ABHD13: variants seen among roughly 807,000 people sequenced by gnomAD.
The protein encoded by ABHD13 is abhydrolase domain containing 13, also known as protein ABHD13.
Under a neutral mutation model 25.2 loss-of-function variants are expected in ABHD13, and 7 were observed. That is an observed-to-expected ratio of 0.28 (90% CI 0.16 to 0.52). ABHD13 has a LOEUF of 0.52. Ranked by LOEUF, ABHD13 falls within the 20% of genes least tolerant of loss-of-function variation. ABHD13 has a pLI of 0.96. For synonymous variants in ABHD13, 133 were observed against 136.1 expected, an observed-to-expected ratio of 0.98 and a Z score of 0.16; for missense variants, 302 against 402.7, an observed-to-expected ratio of 0.75 and a Z score of 2.14.
In ABHD13 at chr13:108,233,619, A is replaced by G. The variant is rs995592219; in HGVS notation, c.*3387A>G. On this transcript the variant is annotated 3_prime_UTR_variant, in exon 2 of 2. Transcript: ENST00000375898. ...AGGTATTTTCATATTACTCAGGTAA[A>G]GATGGAAATGACAGAGCACAGACAT... 6.0e-6 allele frequency: 1 copy of G among 166,918 alleles called. No individual in the cohort carries two copies. Among genetic ancestry groups the G allele is most frequent in the Admixed American group, 6.6e-5 (1 of 15,264 alleles). 10.3% of individuals were successfully genotyped at this position (166,918 alleles called of 1,614,324 possible). A position where few individuals can be genotyped will look rare whatever the true frequency, so the allele number is the denominator to read the frequency against.
In ABHD13 at chr13:108,234,068, ATATTT is replaced by A. The variant is rs1282019775; in HGVS notation, c.*3842_*3846del. 1 of 166,876 alleles carries A rather than the reference ATATTT, an allele frequency of 6.0e-6. No homozygotes were observed. The highest frequency in any genetic ancestry group is 2.4e-5 in the African/African-American group (1 of 41,450). The allele number at this position is 166,876 out of a possible 1,614,324, so 10.3% of individuals were successfully genotyped here. A position where few individuals can be genotyped will look rare whatever the true frequency, so the allele number is the denominator to read the frequency against. The stretch of plus-strand genomic sequence containing the variant: ...GTAAATCATATTTTTGTTATTTGCC[ATATTT>A]TATTTGAAGTGATAAAATTTTATAA... On this transcript the variant is annotated 3_prime_UTR_variant, in exon 2 of 2. Coordinates refer to ENST00000375898, the MANE Select transcript of ABHD13 (RefSeq NM_032859.3).
Position 108,229,153 on chromosome 13 carries a change from A to G in ABHD13, c.-20-46A>G. On this transcript the variant is annotated intron_variant, in intron 1 of 1. Transcript: ENST00000375898. The surrounding 1 kb of genome is among the most constrained non-coding windows in gnomAD (Gnocchi z 4.7). Reference sequence around the variant, plus strand: ...TTATTATATTGTGGATTTTTAAAAGAATAGATAGACGTTGAATTATTGATA... The same window carrying G: ...TTATTATATTGTGGATTTTTAAAAGGATAGATAGACGTTGAATTATTGATA... 1 of 1,401,904 alleles carries G rather than the reference A, an allele frequency of 7.1e-7. No homozygotes were observed. The highest frequency in any genetic ancestry group is 9.6e-7 in the Non-Finnish European group (1 of 1,038,148). The allele number at this position is 1,401,904 out of a possible 1,614,324, so 86.8% of individuals were successfully genotyped here.
intron 1 of ABHD13, among the ~76,000 whole-genome samples, chr13:108,222,422 T>C (rs1879588062): frequency 6.6e-6 from 1 of 152,072 alleles, no homozygotes; most frequent in South Asian, 2.1e-4. Flanking sequence ...TATGTTATAA[T>C]GCAGAAAGGA....
At position 108,229,389 on chromosome 13, in the gene ABHD13, G is replaced by A. The variant is rs1879742562; in HGVS notation, c.171G>A (p.Leu57=). 4.3e-6 allele frequency: 7 copies of A among 1,612,414 alleles called. No individual in the cohort carries two copies. The highest frequency in any genetic ancestry group is 2.5e-6 in the Non-Finnish European group (3 of 1,179,118). ...TATTCATATCAATAGCAGGTATTCTGTATAAATTCCAGGATGTATTGCTTT... is the reference window on the plus strand; with the variant it reads ...TATTCATATCAATAGCAGGTATTCTATATAAATTCCAGGATGTATTGCTTT... The part of the protein sequence containing the change: ...LLIFISIAGI[L]YKFQDVLLYF... Residue 57 remains leucine, a synonymous_variant, in exon 2 of 2, where the codon CTG becomes CTA. Transcript: ENST00000375898. This position sits in a 1 kb window ranked among gnomAD's most constrained non-coding sequence, Gnocchi z 4.7.
Position 108,218,455 on chromosome 13 carries a change from G to GGGCATTTGCCGGCGAC in ABHD13, c.-224_-209dup, listed in dbSNP as rs1391757868. ...GAACAGGTTATGTGGGAGCCGGCGG[G>GGGCATTTGCCGGCGAC]GGCATTTGCCGGCGACACCCGAGCG... On this transcript the variant is annotated 5_prime_UTR_variant, in exon 1 of 2. The change abolishes the stop of an existing upstream ORF in the 5' untranslated region. Coordinates refer to ENST00000375898, the MANE Select transcript of ABHD13 (RefSeq NM_032859.3). 3.3e-5 allele frequency: 5 copies of GGGCATTTGCCGGCGAC among 152,220 alleles called. No homozygotes were observed. The highest frequency in any genetic ancestry group is 9.6e-5 in the African/African-American group (4 of 41,512). The allele number at this position is 152,220 out of a possible 1,614,324, so 9.4% of individuals were successfully genotyped here.
At position 108,229,727 on chromosome 13, in the gene ABHD13, A is replaced by C. The variant is rs985460906; in HGVS notation, c.509A>C (p.Glu170Ala). Residue 170 changes from glutamate to alanine, a missense_variant, in exon 2 of 2, where the codon GAA becomes GCA. Coordinates refer to ENST00000375898, the MANE Select transcript of ABHD13 (RefSeq NM_032859.3). This position sits in a 1 kb window ranked among gnomAD's most constrained non-coding sequence, Gnocchi z 4.7. Reference sequence around the variant, plus strand: ...GAAGAAGGACTCTACTTAGATTCTGAAGCTGTGTTAGACTACGTGATGACT... The same window carrying C: ...GAAGAAGGACTCTACTTAGATTCTGCAGCTGTGTTAGACTACGTGATGACT... ...ASEEGLYLDS[E>A]AVLDYVMTRP... 2 of 1,613,268 alleles carry C rather than the reference A, an allele frequency of 1.2e-6. No homozygotes were observed. Among genetic ancestry groups the C allele is most frequent in the Non-Finnish European group, 1.7e-6 (2 of 1,179,540 alleles).
Position 108,229,750 on chromosome 13 carries a change from A to T in ABHD13, c.532A>T (p.Thr178Ser). 1 of 1,613,376 alleles carries T rather than the reference A, an allele frequency of 6.2e-7. No homozygotes were observed. Reference protein sequence around the residue: ...DSEAVLDYVMTRPDLDKTKIF... With the variant: ...DSEAVLDYVMSRPDLDKTKIF... ...TGAAGCTGTGTTAGACTACGTGATG[A>T]CTAGACCTGACCTTGATAAAACAAA... is the stretch of plus-strand genomic sequence containing the variant. The change falls in exon 2 of 2, where the codon ACT (threonine) becomes TCT (serine). Residue 178 changes from threonine to serine, a missense_variant. Transcript: ENST00000375898. This position sits in a 1 kb window ranked among gnomAD's most constrained non-coding sequence, Gnocchi z 4.7.
rs181681766 is a variant in ABHD13, at chr13:108,231,546, G to A, written c.*1314G>A. 1,272 of 166,850 alleles carry A rather than the reference G, an allele frequency of 7.6e-3. 8 individuals carry two copies. Among genetic ancestry groups the A allele is most frequent in the Non-Finnish European group, 0.013 (858 of 67,936 alleles). 10.3% of individuals were successfully genotyped at this position (166,850 alleles called of 1,614,324 possible). A position where few individuals can be genotyped will look rare whatever the true frequency, so the allele number is the denominator to read the frequency against. Reference sequence around the variant, plus strand: ...CTTAGAAAAAAGCCCCTTGAAACTTGCAGGATTTACTTAATAAAAATACAC... The same window carrying A: ...CTTAGAAAAAAGCCCCTTGAAACTTACAGGATTTACTTAATAAAAATACAC... On this transcript the variant is annotated 3_prime_UTR_variant, in exon 2 of 2. Transcript: ENST00000375898.
Position 108,230,349 on chromosome 13 carries a change from G to T in ABHD13, c.*117G>T. 5 of 816,184 alleles carry T rather than the reference G, an allele frequency of 6.1e-6. No homozygotes were observed. The highest frequency in any genetic ancestry group is 4.3e-5 in the South Asian group (2 of 46,824). The allele number at this position is 816,184 out of a possible 1,614,324, so 50.6% of individuals were successfully genotyped here. Reference sequence around the variant, plus strand: ...TGAAGAGTGACATTAAACTTTGAAAGGACTTCACTGCTCCTTTACGATATT... The same window carrying T: ...TGAAGAGTGACATTAAACTTTGAAATGACTTCACTGCTCCTTTACGATATT... On this transcript the variant is annotated 3_prime_UTR_variant, in exon 2 of 2. Transcript: ENST00000375898.
At chr13:108,220,215 C>T (rs1437285969) in intron 1 of ABHD13, among the ~76,000 whole-genome samples, 1 of 152,210 alleles carries the variant, frequency 6.6e-6, no homozygotes, top group Non-Finnish European at 1.5e-5. Flanking sequence ...CTGCCTCCCA[C>T]TGACAGTTAA....
In ABHD13 at chr13:108,229,653, T is replaced by G; in HGVS notation, c.435T>G (p.Leu145=). ...LLMLVNLKVN[L]LLVDYRGYGK... ...TGTTGGTTAACCTCAAAGTTAACCT[T>G]TTGCTGGTTGATTATCGAGGATATG... Residue 145 remains leucine, a synonymous_variant, in exon 2 of 2, where the codon CTT becomes CTG. Transcript: ENST00000375898. This position sits in a 1 kb window ranked among gnomAD's most constrained non-coding sequence, Gnocchi z 4.7. 6.2e-7 allele frequency: 1 copy of G among 1,613,348 alleles called. No homozygotes were observed. Among genetic ancestry groups the G allele is most frequent in the Non-Finnish European group, 8.5e-7 (1 of 1,179,560 alleles).
rs1183248660 is a variant in ABHD13 at position 108,218,415 on chromosome 13, G to C, written c.-265G>C. On this transcript the variant is annotated 5_prime_UTR_variant, in exon 1 of 2. Coordinates refer to ENST00000375898, the MANE Select transcript of ABHD13 (RefSeq NM_032859.3). ...GAAGAGCGGGCAGGGTTCCCACTCC[G>C]GGAGCGGAGACGGAGAACAGGTTAT... 6 of 152,214 alleles carry C rather than the reference G, an allele frequency of 3.9e-5. No homozygotes were observed. Among genetic ancestry groups the C allele is most frequent in the African/African-American group, 1.2e-4 (5 of 41,468 alleles). 9.4% of individuals were successfully genotyped at this position (152,214 alleles called of 1,614,324 possible).
chr13:108,225,830 C>G (rs1374145714), intron 1 of ABHD13, among the ~76,000 whole-genome samples: 1 of 152,178 alleles, frequency 6.6e-6, no homozygotes, highest in Non-Finnish European at 1.5e-5. Flanking sequence ...ATCTACATTT[C>G]TATATTCTAC....
rs996118738 is a variant in ABHD13, at chr13:108,233,153, C to T, written c.*2921C>T. 6.0e-6 allele frequency: 1 copy of T among 166,764 alleles called. No homozygotes were observed. Among genetic ancestry groups the T allele is most frequent in the Non-Finnish European group, 1.5e-5 (1 of 67,980 alleles). The allele number at this position is 166,764 out of a possible 1,614,324, so 10.3% of individuals were successfully genotyped here. A position where few individuals can be genotyped will look rare whatever the true frequency, so the allele number is the denominator to read the frequency against. Reference sequence around the variant, plus strand: ...TTAAATTTATGATTACCTGTAGACACTTGATATTTACATAGATTACAGCTT... The same window carrying T: ...TTAAATTTATGATTACCTGTAGACATTTGATATTTACATAGATTACAGCTT... On this transcript the variant is annotated 3_prime_UTR_variant, in exon 2 of 2. Transcript: ENST00000375898.
At chr13:108,227,732 G>T (rs1329890465) in intron 1 of ABHD13, among the ~76,000 whole-genome samples, 9 of 152,070 alleles carry the variant, frequency 5.9e-5, no homozygotes, top group African/African-American at 2.2e-4. Context: ...CTAATGACCA[G>T]CCTCATAGGT....
In ABHD13 at chr13:108,231,064, T is replaced by C. The variant is rs1022637583; in HGVS notation, c.*832T>C. Reference sequence around the variant, plus strand: ...AGAATTTTAGCTTCTATCGATTTTGTAAGTCTTCAGCTGAACCACTAATAG... The same window carrying C: ...AGAATTTTAGCTTCTATCGATTTTGCAAGTCTTCAGCTGAACCACTAATAG... On this transcript the variant is annotated 3_prime_UTR_variant, in exon 2 of 2. Transcript: ENST00000375898. 3 of 166,760 alleles carry C rather than the reference T, an allele frequency of 1.8e-5. No individual in the cohort carries two copies. Among genetic ancestry groups the C allele is most frequent in the Non-Finnish European group, 4.4e-5 (3 of 67,964 alleles). The allele number at this position is 166,760 out of a possible 1,614,324, so 10.3% of individuals were successfully genotyped here.
chr13:108,224,311 T>C (rs1879628985), intron 1 of ABHD13, among the ~76,000 whole-genome samples: 1 of 152,178 alleles, frequency 6.6e-6, no homozygotes, highest in South Asian at 2.1e-4. Flanking sequence ...GACTGTATAG[T>C]ATACTAGGAT....
At position 108,230,233 on chromosome 13, in the gene ABHD13, T is replaced by C. The variant is rs770729785; in HGVS notation, c.*1T>C. On this transcript the variant is annotated 3_prime_UTR_variant, in exon 2 of 2. Transcript: ENST00000375898. ...TTCATCTAATGTAACAATTATATAATGTTTCCCTTTTTGATTATTGCATTG... is the reference window on the plus strand; with the variant it reads ...TTCATCTAATGTAACAATTATATAACGTTTCCCTTTTTGATTATTGCATTG... The C allele has an allele frequency of 3.1e-5, 48 of 1,568,162 alleles. No homozygotes were observed. The highest frequency in any genetic ancestry group is 3.9e-5 in the Non-Finnish European group (45 of 1,158,462).
chr13:108,219,796 G>A (rs1879512121), intron 1 of ABHD13, among the ~76,000 whole-genome samples: 1 of 152,202 alleles, frequency 6.6e-6, no homozygotes, highest in Admixed American at 6.5e-5. Context: ...TGTGGAATGG[G>A]TGGCAGGAGG....
Sources: gnomAD v4.1 joint callset for allele counts (sites outside exome capture counted in the v4.1 genomes callset) on GRCh38, gnomAD v4.1.1 for gene constraint, Gnocchi (gnomAD v3.1) non-coding constraint, MANE v1.5 for transcripts, NCBI Gene and HGNC (gene_info 2026-07-23, HGNC 2026-07-21) for gene names.